The following TNFRSF10B variants were observed in gnomAD, a reference collection of about 807,000 sequenced individuals.
TNFRSF10B encodes the protein tumor necrosis factor receptor superfamily member 10B.
In TNFRSF10B, 35 loss-of-function variants were observed where a neutral mutation model predicts 41.4. The ratio of observed to expected loss-of-function variants is 0.85; its 90% confidence interval spans 0.65 to 1.12. The LOEUF (loss-of-function observed/expected upper bound fraction) is 1.12. Among genes scored for constraint, TNFRSF10B ranks in the 50% most tolerant of loss-of-function variants. The pLI is 0.00. For synonymous variants in TNFRSF10B, 230 were observed against 215.5 expected, an observed-to-expected ratio of 1.07 and a Z score of -0.59; for missense variants, 584 against 552.7, an observed-to-expected ratio of 1.06 and a Z score of -0.57.
intron 2 of TNFRSF10B, among the ~76,000 whole-genome samples, chr8:23,042,257 G>A (rs755010454): frequency 7.9e-5 from 12 of 152,222 alleles, no homozygotes; most frequent in Non-Finnish European, 7.3e-5. Context: ...CATGTGCAAT[G>A]TGAGGGTTTG....
chr8:23,025,148 C>G (rs1333378387), intron 7 of TNFRSF10B, among the ~76,000 whole-genome samples: 2 of 151,892 alleles, frequency 1.3e-5, no homozygotes, highest in African/African-American at 4.8e-5. Context: ...TGAGACCCAT[C>G]TCAGAAAGAA....
rs1399202187 is a variant in TNFRSF10B at position 23,027,046 on chromosome 8, AG to A, written c.936+86del. On this transcript the variant is annotated intron_variant, in intron 7 of 8. Transcript: ENST00000276431. ...CAGGTTCCATTTCCCCTGGGCCAGG[AG>A]AGCTAAGGCACTGCCCTCTCCCACT... 6 of 1,597,702 alleles carry A rather than the reference AG, an allele frequency of 3.8e-6. No individual in the cohort carries two copies. The African/African-American group carries it at 6.7e-5, about 18-fold the overall frequency.
chr8:23,067,689 G>A (rs1813031858), intron 1 of TNFRSF10B, among the ~76,000 whole-genome samples: 1 of 152,136 alleles, frequency 6.6e-6, no homozygotes, highest in Admixed American at 6.5e-5. Flanking sequence ...CTGTGGTGTG[G>A]GGCGGAAACA....
rs1813093055 is a variant in TNFRSF10B at position 23,068,998 on chromosome 8, T to C, written c.-104A>G. 1 of 1,576,314 alleles carries C rather than the reference T, an allele frequency of 6.3e-7. No individual in the cohort carries two copies. The highest frequency in any genetic ancestry group is 1.3e-5 in the African/African-American group (1 of 74,382). ...TTTGTGGGCGCAGAGATTGCGGGGT[T>C]CTCCGGCCGCGTGCTGATTTATGTG... On this transcript the variant is annotated 5_prime_UTR_variant, in exon 1 of 9. Transcript: ENST00000276431.
intron 2 of TNFRSF10B, among the ~76,000 whole-genome samples, chr8:23,037,011 A>C (rs1286801660): frequency 6.6e-6 from 1 of 152,202 alleles, no homozygotes; most frequent in Non-Finnish European, 1.5e-5. Context: ...ATAACAAGGA[A>C]GTCTGGGGAA....
At chr8:23,038,719 G>A (rs1222235408) in intron 2 of TNFRSF10B, among the ~76,000 whole-genome samples, 1 of 152,002 alleles carries the variant, frequency 6.6e-6, no homozygotes, top group Non-Finnish European at 1.5e-5. Flanking sequence ...TATGTTAGGT[G>A]GAAATATAAT....
intron 1 of TNFRSF10B, among the ~76,000 whole-genome samples, chr8:23,067,658 A>C (rs1368153974): frequency 6.6e-6 from 1 of 152,196 alleles, no homozygotes; most frequent in Non-Finnish European, 1.5e-5. Flanking sequence ...CCCTCCACTC[A>C]GAGGTGAGAC....
At chr8:23,027,104 G>A in intron 7 of TNFRSF10B, 29 bp downstream of exon 7, 1 of 1,613,406 alleles carries the variant, frequency 6.2e-7, no homozygotes. Flanking sequence ...CAGCATGCCA[G>A]GAAACAAAAT....
In TNFRSF10B at chr8:23,031,696, A is replaced by G. The variant is rs1190119974; in HGVS notation, c.251-824T>C. On this transcript the variant is annotated intron_variant, in intron 2 of 8. Transcript: ENST00000276431. Reference sequence around the variant, plus strand: ...AGGTGTCAGCCACTGTGCCCAGCCCACATATGAAATTTAAATCCACACTCA... The same window carrying G: ...AGGTGTCAGCCACTGTGCCCAGCCCGCATATGAAATTTAAATCCACACTCA... Among the ~76,000 whole-genome samples, 3 of 152,024 alleles carry G rather than the reference A, an allele frequency of 2.0e-5. No homozygotes were observed. The East Asian group carries it at 5.8e-4, about 29-fold the overall frequency.
Position 23,025,692 on chromosome 8 carries a change from C to G in TNFRSF10B, c.937-1432G>C, listed in dbSNP as rs192302356. On this transcript the variant is annotated intron_variant, in intron 7 of 8. Coordinates refer to ENST00000276431, the MANE Select transcript of TNFRSF10B (RefSeq NM_003842.5). ...TGTAGTTACCTGAAATAAGAAGGGC[C>G]AAAAGGCTGGGAAAGAGTAAAGAAG... Among the ~76,000 whole-genome samples, 68 of 152,176 alleles carry G rather than the reference C, an allele frequency of 4.5e-4. 1 individual carries two copies. Among genetic ancestry groups the G allele is most frequent in the African/African-American group, 1.5e-3 (64 of 41,504 alleles).
chr8:23,063,029 CTGA>C (rs576057984), intron 1 of TNFRSF10B, among the ~76,000 whole-genome samples: 258 of 152,226 alleles, frequency 1.7e-3, no homozygotes, highest in Non-Finnish European at 3.3e-3. Context: ...ATTTCTATTC[CTGA>C]TGATCTTCCT....
chr8:23,049,295 G>C (rs538202257), intron 1 of TNFRSF10B, among the ~76,000 whole-genome samples: 16 of 152,192 alleles, frequency 1.1e-4, no homozygotes, highest in African/African-American at 2.4e-4. Context: ...GTTTTGCCTA[G>C]GCCTTTCCTG....
intron 1 of TNFRSF10B, among the ~76,000 whole-genome samples, chr8:23,060,685 G>T (rs979189707): frequency 1.3e-4 from 20 of 152,132 alleles, no homozygotes; most frequent in Non-Finnish European, 1.8e-4. Context: ...AAATGTCCTT[G>T]GGATTTTGAT....
rs1488754782 is a variant in TNFRSF10B, at chr8:23,042,947, T to C, written c.250+191A>G. On this transcript the variant is annotated intron_variant, in intron 2 of 8. Coordinates refer to ENST00000276431, the MANE Select transcript of TNFRSF10B (RefSeq NM_003842.5). ...CTCTCAAGGTTCCTATCAGTTTCTT[T>C]GGCTGTCTCATTCATTTGTGTGTCT... 1.1e-4 allele frequency: 61 copies of C among 574,954 alleles called. No homozygotes were observed. In the East Asian group the frequency reaches 1.7e-3, roughly 16 times the overall value. The allele number at this position is 574,954 out of a possible 1,614,324, so 35.6% of individuals were successfully genotyped here. A position where few individuals can be genotyped will look rare whatever the true frequency, so the allele number is the denominator to read the frequency against.
chr8:23,051,249 T>A (rs1429576775), intron 1 of TNFRSF10B, among the ~76,000 whole-genome samples: 1 of 152,232 alleles, frequency 6.6e-6, no homozygotes, highest in African/African-American at 2.4e-5. Context: ...AAATGCTTTT[T>A]CAAGTTTATG....
At chr8:23,059,028 G>A (rs1322785427) in intron 1 of TNFRSF10B, among the ~76,000 whole-genome samples, 3 of 151,928 alleles carry the variant, frequency 2.0e-5, no homozygotes, top group Non-Finnish European at 2.9e-5. Flanking sequence ...CCTTACAACC[G>A]CTGGCATCCA....
At chr8:23,032,031 C>T (rs1219119825) in intron 2 of TNFRSF10B, among the ~76,000 whole-genome samples, 1 of 151,748 alleles carries the variant, frequency 6.6e-6, no homozygotes, top group African/African-American at 2.4e-5. Flanking sequence ...CTCAGCCTCC[C>T]GAGTAACTGG....
At chr8:23,041,734 G>A (rs759677722) in intron 2 of TNFRSF10B, among the ~76,000 whole-genome samples, 4 of 151,874 alleles carry the variant, frequency 2.6e-5, no homozygotes, top group East Asian at 1.9e-4. Flanking sequence ...TGCACATTTC[G>A]AGGAGTTTCC....
In TNFRSF10B at chr8:23,056,126, A is replaced by T. The variant is rs191729988; in HGVS notation, c.144+12625T>A. Among the ~76,000 whole-genome samples, 5 of 152,298 alleles carry T rather than the reference A, an allele frequency of 3.3e-5. No homozygotes were observed. The East Asian group carries it at 9.7e-4, about 29-fold the overall frequency. On this transcript the variant is annotated intron_variant, in intron 1 of 8. Coordinates refer to ENST00000276431, the MANE Select transcript of TNFRSF10B (RefSeq NM_003842.5). Reference sequence around the variant, plus strand: ...TTGTTCCTCAAAAAATTAAAAGTAGAATTACCAGATGATCCAGCAATCCCA... The same window carrying T: ...TTGTTCCTCAAAAAATTAAAAGTAGTATTACCAGATGATCCAGCAATCCCA...
Sources: allele counts gnomAD v4.1 joint callset (sites outside exome capture counted in the v4.1 genomes callset), GRCh38; gene constraint gnomAD v4.1.1; transcripts MANE v1.5; gene names NCBI Gene and HGNC (gene_info 2026-07-23, HGNC 2026-07-21).